The following MSRA variants were observed in gnomAD, a reference collection of about 807,000 sequenced individuals.
MSRA encodes the protein methionine sulfoxide reductase A.
Under a neutral mutation model 31.3 loss-of-function variants are expected in MSRA, and 54 were observed. That is an observed-to-expected ratio of 1.73 (90% confidence interval 1.39 to 2.17). The LOEUF is 2.17. Among genes scored for constraint, MSRA ranks in the 30% most tolerant of loss-of-function variants. The pLI is 0.00. For missense variants in MSRA, 507 were observed against 300.9 expected (o/e 1.69, Z -5.07); for synonymous variants, 169 against 116.5 (o/e 1.45, Z -2.90).
chr8:10,422,776 G>A (rs946736639), intron 5 of MSRA, among the ~76,000 whole-genome samples: 4 of 152,178 alleles, frequency 2.6e-5, no homozygotes, highest in East Asian at 1.9e-4. Flanking sequence ...GAGCTGGGCC[G>A]GGGCTACCCT....
At chr8:10,064,551 A>G (rs1233012146) in intron 1 of MSRA, among the ~76,000 whole-genome samples, 3 of 152,242 alleles carry the variant, frequency 2.0e-5, no homozygotes, top group Non-Finnish European at 4.4e-5. Context: ...TGGTGACAGT[A>G]TATTTAGATG....
intron 1 of MSRA, among the ~76,000 whole-genome samples, chr8:10,206,676 C>T (rs1443759482): frequency 6.6e-6 from 1 of 152,232 alleles, no homozygotes; most frequent in African/African-American, 2.4e-5. Context: ...CTTTGCAAAC[C>T]TGACTTCTCC....
In MSRA at chr8:10,357,736, T is replaced by G. The variant is rs376763924; in HGVS notation, c.543+37747T>G. On this transcript the variant is annotated intron_variant, in intron 5 of 5. Transcript: ENST00000317173. ...AGCATGGATGCTTATTGCTATTGGT[T>G]TGGTCATTATTTCTAGTTTTTTCAG... Among the ~76,000 whole-genome samples the G allele has an allele frequency of 8.5e-4, 129 of 152,332 alleles. 1 individual carries two copies. Among genetic ancestry groups the G allele is most frequent in the African/African-American group, 2.8e-3 (117 of 41,586 alleles).
intron 1 of MSRA, among the ~76,000 whole-genome samples, chr8:10,131,760 T>C (rs1157477377): frequency 6.6e-6 from 1 of 152,180 alleles, no homozygotes. Flanking sequence ...GGGGACTCTG[T>C]CGCTGCCTCT....
intron 1 of MSRA, among the ~76,000 whole-genome samples, chr8:10,148,803 A>C (rs1421724463): frequency 1.3e-4 from 9 of 66,714 alleles, no homozygotes; most frequent in South Asian, 7.4e-4. Context: ...CCCTGTCGCA[A>C]AAAAAAAAAA....
chr8:10,168,865 G>A (rs1411634119), intron 1 of MSRA, among the ~76,000 whole-genome samples: 1 of 152,198 alleles, frequency 6.6e-6, no homozygotes, highest in Non-Finnish European at 1.5e-5. Context: ...TGCTAAATAT[G>A]TATCAATACA....
chr8:10,233,302 G>A (rs1446434811), intron 2 of MSRA, among the ~76,000 whole-genome samples: 1 of 152,136 alleles, frequency 6.6e-6, no homozygotes, highest in African/African-American at 2.4e-5. Flanking sequence ...CCATGTGTGT[G>A]CAACTGTGAA....
At chr8:10,239,192 T>C (rs920530580) in intron 2 of MSRA, among the ~76,000 whole-genome samples, 14 of 152,128 alleles carry the variant, frequency 9.2e-5, no homozygotes, top group African/African-American at 3.4e-4. Flanking sequence ...AGATGGAGTT[T>C]TGCTCTGTTG....
intron 1 of MSRA, among the ~76,000 whole-genome samples, chr8:10,176,477 A>T (rs1424161608): frequency 6.6e-6 from 1 of 152,222 alleles, no homozygotes; most frequent in Non-Finnish European, 1.5e-5. Context: ...CCATGGATTC[A>T]GTGAATGCAT....
intron 1 of MSRA, chr8:10,095,884 T>C (rs1257447144): frequency 7.8e-7 from 1 of 1,284,008 alleles, no homozygotes; most frequent in Admixed American, 3.8e-5. Flanking sequence ...ATTTTTTGCA[T>C]GTATGATTAT....
intron 1 of MSRA, among the ~76,000 whole-genome samples, chr8:10,127,419 C>A (rs150462337): frequency 9.8e-4 from 149 of 152,248 alleles, no homozygotes; most frequent in African/African-American, 3.2e-3. Context: ...ATATGGAGTA[C>A]AAAGGGATGA....
intron 1 of MSRA, among the ~76,000 whole-genome samples, chr8:10,157,581 C>T (rs1053722442): frequency 6.6e-6 from 1 of 151,840 alleles, no homozygotes; most frequent in Non-Finnish European, 1.5e-5. Context: ...GTTAGGGCTT[C>T]CAACTTTGTA....
chr8:10,259,230 T>C (rs558115604), intron 3 of MSRA, among the ~76,000 whole-genome samples: 1 of 152,246 alleles, frequency 6.6e-6, no homozygotes, highest in South Asian at 2.1e-4. Flanking sequence ...CTGGCAAAAC[T>C]GAGGGAATTT....
intron 2 of MSRA, among the ~76,000 whole-genome samples, chr8:10,211,871 GACCAGCT>G (rs1809530923): frequency 6.6e-6 from 1 of 152,156 alleles, no homozygotes; most frequent in Non-Finnish European, 1.5e-5. Context: ...TCTCAGCACA[GACCAGCT>G]ACTCATTGCC....
Position 10,245,125 on chromosome 8 carries a change from C to G in MSRA, c.233C>G (p.Ala78Gly). The change falls in exon 3 of 6, where the codon GCT becomes GGT. Residue 78 changes from alanine to glycine, a missense_variant. Physicochemically the swap from Ala to Gly is moderately conservative, Grantham distance 60. Transcript: ENST00000317173. ...TAAGGAATGGGATGTTTCTGGGGAG[C>G]TGAAAGGAAATTCTGGGTCTTGAAA... Reference protein sequence around the residue: ...AVFGMGCFWGAERKFWVLKGV... With the variant: ...AVFGMGCFWGGERKFWVLKGV... 6.2e-7 allele frequency: 1 copy of G among 1,611,754 alleles called. No individual in the cohort carries two copies. The highest frequency in any genetic ancestry group is 1.1e-5 in the South Asian group (1 of 90,850).
At chr8:10,237,563 A>G (rs1812051310) in intron 2 of MSRA, among the ~76,000 whole-genome samples, 1 of 152,226 alleles carries the variant, frequency 6.6e-6, no homozygotes, top group African/African-American at 2.4e-5. Flanking sequence ...TAATAGGCCA[A>G]GAGTAACAAA....
intron 1 of MSRA, among the ~76,000 whole-genome samples, chr8:10,060,662 C>G (rs1011797874): frequency 6.8e-6 from 1 of 146,484 alleles, no homozygotes; most frequent in Non-Finnish European, 1.5e-5. Context: ...CAATTTTGCT[C>G]TTTCTTGTCA....
intron 4 of MSRA, among the ~76,000 whole-genome samples, chr8:10,306,427 G>C (rs188638185): frequency 6.6e-6 from 1 of 152,050 alleles, no homozygotes; most frequent in South Asian, 2.1e-4. Flanking sequence ...TCTTACATCT[G>C]TGTTGCCCTT....
intron 5 of MSRA, among the ~76,000 whole-genome samples, chr8:10,325,751 G>C (rs1451861685): frequency 6.6e-6 from 1 of 152,178 alleles, no homozygotes; most frequent in Non-Finnish European, 1.5e-5. Context: ...TTCACAAAAT[G>C]GGGAAAATTG....
Sources: allele counts gnomAD v4.1 joint callset (sites outside exome capture counted in the v4.1 genomes callset), GRCh38; gene constraint gnomAD v4.1.1; transcripts MANE v1.5; gene names NCBI Gene and HGNC (gene_info 2026-07-23, HGNC 2026-07-21).